Variants in KCNQ1 observed in about 807,000 individuals in gnomAD.
KCNQ1 encodes potassium voltage-gated channel subfamily Q member 1, also known as potassium voltage-gated channel subfamily KQT member 1.
In KCNQ1, 49 loss-of-function variants were observed where a neutral mutation model predicts 72.4. That is an observed-to-expected ratio of 0.68 (90% CI 0.54 to 0.86). KCNQ1 has a LOEUF of 0.86. Among genes scored for constraint, KCNQ1 ranks in the 40% least tolerant of loss-of-function variants. The pLI is 0.00. For missense variants in KCNQ1, 790 were observed against 945.1 expected (o/e 0.84, Z 2.15); for synonymous variants, 450 against 412.6 (o/e 1.09, Z -1.10).
Position 2,611,292 on chromosome 11 carries a change from T to C in KCNQ1, c.1393+22438T>C, listed in dbSNP as rs926005112. The stretch of plus-strand genomic sequence containing the variant: ...TGGAGTGCAGTGGCGTGACCTTGGC[T>C]CACTGCAACCTCTGCCTCCCGGATT... On this transcript the variant is annotated intron_variant, in intron 10 of 15. Transcript: ENST00000155840. This position sits in a 1 kb window ranked among gnomAD's most constrained non-coding sequence, Gnocchi z 5.3. 15 of 397,562 alleles carry C rather than the reference T, an allele frequency of 3.8e-5. No homozygotes were observed. In the Admixed American group the frequency reaches 6.6e-4, roughly 17 times the overall value. The allele number at this position is 397,562 out of a possible 1,614,324, so 24.6% of individuals were successfully genotyped here. A position where few individuals can be genotyped will look rare whatever the true frequency, so the allele number is the denominator to read the frequency against.
At position 2,572,085 on chromosome 11, in the gene KCNQ1, C is replaced by T. The variant is rs1353501955; in HGVS notation, c.756C>T (p.Gly252=). 5 of 1,612,446 alleles carry T rather than the reference C, an allele frequency of 3.1e-6. No homozygotes were observed. The South Asian group carries it at 3.3e-5, about 11-fold the overall frequency. The change falls in exon 5 of 16, where the codon GGC becomes GGT. Residue 252 remains glycine (G), a synonymous_variant. Transcript: ENST00000155840. ...AGGGAGGCACCTGGAGGCTCCTGGG[C>T]TCCGTGGTCTTCATCCACCGCCAGG... ...DRQGGTWRLL[G]SVVFIHRQEL...
chr11:2,535,628 A>G (rs1412643457), intron 2 of KCNQ1, among the ~76,000 whole-genome samples: 1 of 152,150 alleles, frequency 6.6e-6, no homozygotes. Flanking sequence ...TGCCTTTCAG[A>G]GCCCTGTGGC....
chr11:2,561,852 G>A (rs1848172340), intron 2 of KCNQ1, among the ~76,000 whole-genome samples: 1 of 152,208 alleles, frequency 6.6e-6, no homozygotes, highest in South Asian at 2.1e-4. Context: ...TACCTTGGGC[G>A]GGCAGGGCCT....
At chr11:2,693,581 C>T (rs183353392) in intron 11 of KCNQ1, 81 of 398,658 alleles carry the variant, frequency 2.0e-4, no homozygotes, top group African/African-American at 1.6e-3. Flanking sequence ...GGGATTCTTC[C>T]ATAAATGAGG....
At chr11:2,790,231 C>T (rs1049321352) in intron 15 of KCNQ1, among the ~76,000 whole-genome samples, 3 of 152,172 alleles carry the variant, frequency 2.0e-5, no homozygotes, top group Non-Finnish European at 2.9e-5. Flanking sequence ...ATGTGGCTCC[C>T]GTCCTCCTCT....
At chr11:2,467,689 C>T (rs1024888161) in intron 1 of KCNQ1, among the ~76,000 whole-genome samples, 3 of 152,184 alleles carry the variant, frequency 2.0e-5, no homozygotes, top group Non-Finnish European at 2.9e-5. Flanking sequence ...AGACACCTGC[C>T]CCCCACGTCA....
In KCNQ1 at chr11:2,450,066, C is replaced by T. The variant is rs551955991; in HGVS notation, c.386+4582C>T. Reference sequence around the variant, plus strand: ...CCCTGCTCGGCCCTAGGCAGGGCCCCCAGTTCCCTGCATTCCACCCGCCTT... The same window carrying T: ...CCCTGCTCGGCCCTAGGCAGGGCCCTCAGTTCCCTGCATTCCACCCGCCTT... On this transcript the variant is annotated intron_variant, in intron 1 of 15. Transcript: ENST00000155840. The surrounding 1 kb of genome is among the most constrained non-coding windows in gnomAD (Gnocchi z 7.9). 1.3e-5 allele frequency among the ~76,000 whole-genome samples: 2 copies of T among 152,312 alleles called. No individual in the cohort carries two copies. Among genetic ancestry groups the T allele is most frequent in the Admixed American group, 1.3e-4 (2 of 15,306 alleles).
intron 10 of KCNQ1, chr11:2,629,168 T>C (rs1849310773): frequency 5.0e-6 from 2 of 398,250 alleles, no homozygotes; most frequent in African/African-American, 4.1e-5. Context: ...CTTGAATCTG[T>C]AGATCACTTT....
At chr11:2,846,903 C>T (rs2134095191) in intron 15 of KCNQ1, among the ~76,000 whole-genome samples, 1 of 152,356 alleles carries the variant, frequency 6.6e-6, no homozygotes, top group Non-Finnish European at 1.5e-5. Context: ...GCCAGCTTTG[C>T]AGGGCAGCCA....
At chr11:2,646,848 T>C in intron 10 of KCNQ1, 1 of 398,676 alleles carries the variant, frequency 2.5e-6, no homozygotes, top group South Asian at 1.3e-4. Context: ...TTTTTTATCC[T>C]GCAACTTTAT....
chr11:2,469,951 C>T (rs931155481), intron 1 of KCNQ1, among the ~76,000 whole-genome samples: 9 of 152,204 alleles, frequency 5.9e-5, no homozygotes, highest in Admixed American at 2.6e-4. Context: ...TGAGCCACCA[C>T]GCCCGGCCCT....
At position 2,698,441 on chromosome 11, in the gene KCNQ1, G is replaced by A; in HGVS notation, c.1514+36360G>A. 1 of 374,928 alleles carries A rather than the reference G, an allele frequency of 2.7e-6. No homozygotes were observed. Among genetic ancestry groups the A allele is most frequent in the Non-Finnish European group, 4.6e-6 (1 of 219,296 alleles). The allele number at this position is 374,928 out of a possible 1,614,324, so 23.2% of individuals were successfully genotyped here. Reference sequence around the variant, plus strand: ...GCCCTTCAAGCCTACTACCCAGACTGAGACCTGCATCTGATCAACTCTCAT... The same window carrying A: ...GCCCTTCAAGCCTACTACCCAGACTAAGACCTGCATCTGATCAACTCTCAT... On this transcript the variant is annotated intron_variant, in intron 11 of 15. Coordinates refer to ENST00000155840, the MANE Select transcript of KCNQ1 (RefSeq NM_000218.3). This position sits in a 1 kb window ranked among gnomAD's most constrained non-coding sequence, Gnocchi z 5.1.
At chr11:2,615,102 T>A in intron 10 of KCNQ1, 1 of 398,326 alleles carries the variant, frequency 2.5e-6, no homozygotes, top group African/African-American at 2.1e-5. Context: ...AGTGCAGAAG[T>A]CTTTCACCTT....
chr11:2,839,440 C>A (rs560546379), intron 15 of KCNQ1, among the ~76,000 whole-genome samples: 1 of 152,358 alleles, frequency 6.6e-6, no homozygotes, highest in South Asian at 2.1e-4. Context: ...GCACAAACGT[C>A]AGCCCCAACC....
In KCNQ1 at chr11:2,620,462, C is replaced by T. The variant is rs1251670925; in HGVS notation, c.1393+31608C>T. 17 of 315,596 alleles carry T rather than the reference C, an allele frequency of 5.4e-5. No homozygotes were observed. The highest frequency in any genetic ancestry group is 8.6e-5 in the African/African-American group (4 of 46,772). The allele number at this position is 315,596 out of a possible 1,614,324, so 19.5% of individuals were successfully genotyped here. A position where few individuals can be genotyped will look rare whatever the true frequency, so the allele number is the denominator to read the frequency against. ...AACTCCTGACCTCAGGTGATCCACC[C>T]GCCTTGGCCTCCCAAAGTGCTGGGA... On this transcript the variant is annotated intron_variant, in intron 10 of 15. Transcript: ENST00000155840. This position sits in a 1 kb window ranked among gnomAD's most constrained non-coding sequence, Gnocchi z 4.5.
chr11:2,629,131 A>AC, intron 10 of KCNQ1: 1 of 398,274 alleles, frequency 2.5e-6, no homozygotes. Context: ...TGTGAAAAAA[A>AC]GTCACTGGAA....
chr11:2,777,504 G>A (rs1038114031), intron 14 of KCNQ1: 40 of 537,840 alleles, frequency 7.4e-5, no homozygotes, highest in African/African-American at 5.6e-4. Flanking sequence ...CCCTGGACAC[G>A]GGGCTGTGAG....
chr11:2,794,676 A>G (rs1847096998), intron 15 of KCNQ1, among the ~76,000 whole-genome samples: 1 of 152,168 alleles, frequency 6.6e-6, no homozygotes, highest in Non-Finnish European at 1.5e-5. Context: ...CCGCCTTCCC[A>G]GGTGAGGGTG....
intron 11 of KCNQ1, among the ~76,000 whole-genome samples, chr11:2,733,814 A>ACACACACACACACCCTCTCTCT: frequency 2.3e-5 from 2 of 86,614 alleles, no homozygotes; most frequent in Non-Finnish European, 4.8e-5. Context: ...ACACACACAC[A>ACACACACACACACCCTCTCTCT]CTCTCTCACT....
Sources: gnomAD v4.1 joint callset for allele counts (sites outside exome capture counted in the v4.1 genomes callset) on GRCh38, gnomAD v4.1.1 for gene constraint, Gnocchi (gnomAD v3.1) non-coding constraint, MANE v1.5 for transcripts, NCBI Gene and HGNC (gene_info 2026-07-23, HGNC 2026-07-21) for gene names.